C12orf50: variants seen among roughly 807,000 people sequenced by gnomAD.
C12orf50 encodes the protein uncharacterized protein C12orf50.
C12orf50 carries 35 observed loss-of-function variants against 61.6 expected under a neutral mutation model. The ratio of observed to expected loss-of-function variants is 0.57; its 90% CI spans 0.43 to 0.75. The LOEUF is 0.75. Among genes scored for constraint, C12orf50 ranks in the 30% least tolerant of loss-of-function variants. C12orf50 has a pLI of 0.00. For synonymous variants in C12orf50, 178 were observed against 161.5 expected (o/e 1.10, Z -0.77); for missense variants, 475 against 488.5 (o/e 0.97, Z 0.26).
intron 9 of C12orf50, among the ~76,000 whole-genome samples, chr12:87,987,337 C>A (rs551957746): frequency 6.6e-6 from 1 of 152,102 alleles, no homozygotes; most frequent in Admixed American, 6.6e-5. Flanking sequence ...TTCTTGAGGG[C>A]AAATCACAAG....
intron 1 of C12orf50, 68 bp from the exon 2 acceptor site, chr12:88,027,138 G>T: frequency 6.9e-7 from 1 of 1,450,080 alleles, no homozygotes; most frequent in Non-Finnish European, 9.1e-7. Context: ...ACAATAGGTT[G>T]CTAATTAGTT....
chr12:88,020,863 T>C (rs1355284909), intron 3 of C12orf50, among the ~76,000 whole-genome samples: 1 of 148,704 alleles, frequency 6.7e-6, no homozygotes, highest in Non-Finnish European at 1.5e-5. Context: ...ACAATAAATA[T>C]AGGAATCAAT....
At chr12:87,980,877 G>T (rs1188197790) in intron 12 of C12orf50, among the ~76,000 whole-genome samples, 2 of 152,148 alleles carry the variant, frequency 1.3e-5, no homozygotes, top group African/African-American at 4.8e-5. Context: ...ATGGCAGCTT[G>T]TGTTTTCTGC....
At chr12:87,993,571 CA>C (rs940553340) in intron 7 of C12orf50, among the ~76,000 whole-genome samples, 36 of 150,224 alleles carry the variant, frequency 2.4e-4, no homozygotes, top group Non-Finnish European at 3.1e-4. Flanking sequence ...ACCTTAGCAC[CA>C]AAAAAAAAGG....
rs766540661 is a variant in C12orf50 at position 87,994,680 on chromosome 12, G to A, written c.545C>T (p.Ser182Leu). 1 of 1,613,148 alleles carries A rather than the reference G, an allele frequency of 6.2e-7. No individual in the cohort carries two copies. The highest frequency in any genetic ancestry group is 8.5e-7 in the Non-Finnish European group (1 of 1,179,528). Residue 182 changes from serine to leucine, a missense_variant, in exon 7 of 13, where the codon TCA becomes TTA. Ser to Leu is a moderately radical substitution (Grantham distance 145). Coordinates refer to ENST00000298699, the MANE Select transcript of C12orf50 (RefSeq NM_152589.3). ...GTCAGTCTTTGGTTTCCCATGCAATGATGTTTTTATTTCACCTTGCCTTTC... is the reference window on the plus strand; with the variant it reads ...GTCAGTCTTTGGTTTCCCATGCAATAATGTTTTTATTTCACCTTGCCTTTC... ...QYERQGEIKT[S>L]LHGKPKTDIA...
At chr12:87,986,667 A>C (rs2030841328) in intron 9 of C12orf50, among the ~76,000 whole-genome samples, 3 of 152,144 alleles carry the variant, frequency 2.0e-5, no homozygotes, top group Non-Finnish European at 4.4e-5. Flanking sequence ...CTTTCCTCCA[A>C]AGGAATGTGT....
chr12:87,991,843 GAAAT>G (rs2031136912), intron 7 of C12orf50, among the ~76,000 whole-genome samples: 1 of 152,176 alleles, frequency 6.6e-6, no homozygotes, highest in Non-Finnish European at 1.5e-5. Context: ...TCCCAAACTG[GAAAT>G]ATTGTCTGTC....
At chr12:88,024,322 T>C (rs2032624500) in intron 3 of C12orf50, among the ~76,000 whole-genome samples, 1 of 152,192 alleles carries the variant, frequency 6.6e-6, no homozygotes, top group Non-Finnish European at 1.5e-5. Context: ...TAAAGACACA[T>C]GTACCTGCAT....
chr12:88,015,671 G>A lies in C12orf50; in HGVS notation c.133+10817C>T, dbSNP rs552850510. ...GCCTACCAGGCTTGCAAAAAAGTACGAACTGTACTCAGAAAATGTCTAGGG... is the reference window on the plus strand; with the variant it reads ...GCCTACCAGGCTTGCAAAAAAGTACAAACTGTACTCAGAAAATGTCTAGGG... On this transcript the variant is annotated intron_variant, in intron 3 of 12. Coordinates refer to ENST00000298699, the MANE Select transcript of C12orf50 (RefSeq NM_152589.3). Among the ~76,000 whole-genome samples, 6 of 152,258 alleles carry A rather than the reference G, an allele frequency of 3.9e-5. No homozygotes were observed. In the East Asian group the frequency reaches 7.7e-4, roughly 20 times the overall value.
chr12:88,006,175 C>A (rs1304078463), intron 3 of C12orf50, among the ~76,000 whole-genome samples: 8 of 152,054 alleles, frequency 5.3e-5, no homozygotes, highest in Non-Finnish European at 1.0e-4. Flanking sequence ...ATCGGCCTCC[C>A]AAAGTGCTGG....
chr12:88,009,502 T>A (rs2136460355), intron 3 of C12orf50, among the ~76,000 whole-genome samples: 1 of 152,166 alleles, frequency 6.6e-6, no homozygotes, highest in South Asian at 2.1e-4. Context: ...GCAGAGACAA[T>A]TTTACTCCCT....
chr12:88,000,585 ATTGGGAT>A (rs1368115107), intron 3 of C12orf50, among the ~76,000 whole-genome samples: 2 of 151,892 alleles, frequency 1.3e-5, no homozygotes, highest in Non-Finnish European at 2.9e-5. Flanking sequence ...AAATAGGTCC[ATTGGGAT>A]TTTGATAAAT....
At position 87,996,650 on chromosome 12, in the gene C12orf50, T is replaced by C. The variant is rs754035084; in HGVS notation, c.290-4A>G. 1.5e-4 allele frequency: 237 copies of C among 1,591,498 alleles called. 1 individual carries two copies. The highest frequency in any genetic ancestry group is 1.7e-4 in the Non-Finnish European group (195 of 1,164,024). ...TTTGTCCATAAACTAGAAGCATCTA[T>C]AGGATATAGATTTTTTAAATTAAAT... On this transcript the variant is annotated splice_region_variant and splice_polypyrimidine_tract_variant and intron_variant, in intron 4 of 12. Coordinates refer to ENST00000298699, the MANE Select transcript of C12orf50 (RefSeq NM_152589.3).
At chr12:87,992,410 A>G (rs1392040134) in intron 7 of C12orf50, among the ~76,000 whole-genome samples, 2 of 152,074 alleles carry the variant, frequency 1.3e-5, no homozygotes, top group Non-Finnish European at 2.9e-5. Context: ...GTGTGTATAT[A>G]TATACTATAT....
chr12:88,029,488 AACTACAGTTTACCTGAGTGAAC>A (rs1040713516), upstream of C12orf50: 1 of 153,890 alleles, frequency 6.5e-6, no homozygotes, highest in African/African-American at 2.4e-5. Context: ...CACTCAGGTA[AACTACAGTTTACCTGAGTGAAC>A]ACTGTATTTC....
chr12:88,004,614 A>G (rs982503953), intron 3 of C12orf50, among the ~76,000 whole-genome samples: 2 of 152,220 alleles, frequency 1.3e-5, no homozygotes, highest in African/African-American at 4.8e-5. Context: ...CACAATAGCA[A>G]AGACATGGAG....
intron 3 of C12orf50, among the ~76,000 whole-genome samples, chr12:88,024,069 A>G (rs374913180): frequency 1.6e-4 from 25 of 152,304 alleles, no homozygotes; most frequent in African/African-American, 5.3e-4. Flanking sequence ...AATCAAAACC[A>G]TAATGAAATA....
chr12:87,995,159 T>A (rs2031324259), intron 6 of C12orf50, among the ~76,000 whole-genome samples: 1 of 152,178 alleles, frequency 6.6e-6, no homozygotes, highest in African/African-American at 2.4e-5. Context: ...AATAATACTC[T>A]CAGCTTTCCC....
chr12:88,027,276 A>G (rs1303701867), intron 1 of C12orf50, among the ~76,000 whole-genome samples: 1 of 152,246 alleles, frequency 6.6e-6, no homozygotes, highest in Non-Finnish European at 1.5e-5. Flanking sequence ...TAATGGTTAC[A>G]TAGTACAACA....
Sources: gnomAD v4.1 joint callset for allele counts (sites outside exome capture counted in the v4.1 genomes callset) on GRCh38, gnomAD v4.1.1 for gene constraint, MANE v1.5 for transcripts, NCBI Gene and HGNC (gene_info 2026-07-23, HGNC 2026-07-21) for gene names.